NR4A3: variants seen among roughly 807,000 people sequenced by gnomAD.
NR4A3 encodes the protein nuclear receptor subfamily 4 group A member 3.
In NR4A3, 13 loss-of-function variants were observed where a neutral mutation model predicts 55.6. The ratio of observed to expected loss-of-function variants is 0.23; its 90% CI spans 0.15 to 0.37. The LOEUF is 0.37. NR4A3 is among the 10% of genes least tolerant of loss of function. The pLI is 1.00. For missense variants in NR4A3, 646 were observed against 822.8 expected, an observed-to-expected ratio of 0.79 and a Z score of 2.63; for synonymous variants, 342 against 357.9, an observed-to-expected ratio of 0.96 and a Z score of 0.50.
At position 99,834,134 on chromosome 9, in the gene NR4A3, G is replaced by A. The variant is rs530139122; in HGVS notation, c.1254+680G>A. 118 of 756,668 alleles carry A rather than the reference G, an allele frequency of 1.6e-4. No homozygotes were observed. The African/African-American group carries it at 2.0e-3, about 13-fold the overall frequency. 46.9% of individuals were successfully genotyped at this position (756,668 alleles called of 1,614,324 possible). ...TTTAAGACCATAAATGACGATTGGT[G>A]TTGTTATAGTTAAGTCAACCAAAAC... On this transcript the variant is annotated intron_variant, in intron 5 of 7. Transcript: ENST00000395097.
rs940884033 is a variant in NR4A3, at chr9:99,861,197, C to G, written c.1634-2423C>G. 3.9e-5 allele frequency among the ~76,000 whole-genome samples: 6 copies of G among 152,176 alleles called. No homozygotes were observed. The East Asian group carries it at 9.6e-4, about 24-fold the overall frequency. On this transcript the variant is annotated intron_variant, in intron 7 of 7. Coordinates refer to ENST00000395097, the MANE Select transcript of NR4A3 (RefSeq NM_006981.4). Reference sequence around the variant, plus strand: ...TTACAGTCCATGGAGATCCCGCTGGCAATCTTCATGGTTGTATTTTAATAT... The same window carrying G: ...TTACAGTCCATGGAGATCCCGCTGGGAATCTTCATGGTTGTATTTTAATAT...
At chr9:99,835,407 C>T (rs934492931) in intron 5 of NR4A3, among the ~76,000 whole-genome samples, 18 of 152,140 alleles carry the variant, frequency 1.2e-4, no homozygotes, top group Non-Finnish European at 2.5e-4. Context: ...AATCTGGGCT[C>T]CTAAATACCA....
At chr9:99,861,738 T>C (rs1334706989) in intron 7 of NR4A3, among the ~76,000 whole-genome samples, 3 of 152,206 alleles carry the variant, frequency 2.0e-5, no homozygotes. Flanking sequence ...TCTTCATTTT[T>C]CTTATTGGCT....
At chr9:99,823,906 C>G (rs1196811568) in intron 1 of NR4A3, among the ~76,000 whole-genome samples, 6 of 152,116 alleles carry the variant, frequency 3.9e-5, no homozygotes, top group African/African-American at 9.7e-5. Context: ...CCCCCGCTCC[C>G]CAGGGTTGGA....
intron 7 of NR4A3, among the ~76,000 whole-genome samples, chr9:99,859,481 GA>G (rs1827976084): frequency 6.6e-6 from 1 of 152,188 alleles, no homozygotes; most frequent in African/African-American, 2.4e-5. Flanking sequence ...AAAAAGTAAA[GA>G]AGCTACAAAT....
intron 5 of NR4A3, among the ~76,000 whole-genome samples, chr9:99,838,749 CCACT>C (rs1827602005): frequency 6.6e-6 from 1 of 152,108 alleles, no homozygotes. Flanking sequence ...CAGGCCATAC[CCACT>C]CAGACATACT....
Position 99,859,698 on chromosome 9 carries a change from T to C in NR4A3, c.1634-3922T>C, listed in dbSNP as rs796391449. Among the ~76,000 whole-genome samples, 10 of 152,304 alleles carry C rather than the reference T, an allele frequency of 6.6e-5. No homozygotes were observed. In the East Asian group the frequency reaches 1.7e-3, roughly 26 times the overall value. Reference sequence around the variant, plus strand: ...TTGGAGAGCAGGGAAAATTCTGCAGTACCTTCTGTGAGTTTGGCCATGAGA... The same window carrying C: ...TTGGAGAGCAGGGAAAATTCTGCAGCACCTTCTGTGAGTTTGGCCATGAGA... On this transcript the variant is annotated intron_variant, in intron 7 of 7. Coordinates refer to ENST00000395097, the MANE Select transcript of NR4A3 (RefSeq NM_006981.4).
chr9:99,855,239 C>T (rs185139080), intron 7 of NR4A3, among the ~76,000 whole-genome samples: 1 of 152,222 alleles, frequency 6.6e-6, no homozygotes, highest in Non-Finnish European at 1.5e-5. Flanking sequence ...ACCAGCTAGA[C>T]TGTGGGGTTC....
chr9:99,860,638 G>C (rs1443772883), intron 7 of NR4A3, among the ~76,000 whole-genome samples: 2 of 152,230 alleles, frequency 1.3e-5, no homozygotes, highest in African/African-American at 4.8e-5. Flanking sequence ...TTCTGAGACT[G>C]AAACATGGAG....
intron 6 of NR4A3, among the ~76,000 whole-genome samples, chr9:99,845,385 C>T (rs1827736073): frequency 6.6e-6 from 1 of 152,294 alleles, no homozygotes; most frequent in Admixed American, 6.5e-5. Flanking sequence ...TCCTATCATA[C>T]TCAGTGACGC....
intron 7 of NR4A3, among the ~76,000 whole-genome samples, chr9:99,856,697 A>T (rs890081926): frequency 6.6e-6 from 1 of 152,212 alleles, no homozygotes; most frequent in Non-Finnish European, 1.5e-5. Context: ...CAAGCATCTT[A>T]TGGGGACTAG....
chr9:99,863,945 C>G lies in NR4A3; in HGVS notation c.*78C>G. Reference sequence around the variant, plus strand: ...GCAGCAAAGGGATAGGTTTGGAAACCTATCATTTCCTGTCCTTCCTTAAGA... The same window carrying G: ...GCAGCAAAGGGATAGGTTTGGAAACGTATCATTTCCTGTCCTTCCTTAAGA... On this transcript the variant is annotated 3_prime_UTR_variant, in exon 8 of 8. Transcript: ENST00000395097. 1 of 1,467,912 alleles carries G rather than the reference C, an allele frequency of 6.8e-7. No homozygotes were observed. Among genetic ancestry groups the G allele is most frequent in the Admixed American group, 2.2e-5 (1 of 45,958 alleles). The allele number at this position is 1,467,912 out of a possible 1,614,324, so 90.9% of individuals were successfully genotyped here. A position where few individuals can be genotyped will look rare whatever the true frequency, so the allele number is the denominator to read the frequency against.
chr9:99,824,368 A>G (rs1042315599), intron 1 of NR4A3, among the ~76,000 whole-genome samples: 5 of 152,152 alleles, frequency 3.3e-5, no homozygotes, highest in Admixed American at 2.6e-4. Flanking sequence ...GCGGGCACCC[A>G]CTGAAGGGGC....
chr9:99,866,320 A>G lies in NR4A3; in HGVS notation c.*2453A>G. 4.5e-6 allele frequency: 1 copy of G among 222,148 alleles called. No homozygotes were observed. The highest frequency in any genetic ancestry group is 6.6e-5 in the East Asian group (1 of 15,186). The allele number at this position is 222,148 out of a possible 1,614,324, so 13.8% of individuals were successfully genotyped here. A position where few individuals can be genotyped will look rare whatever the true frequency, so the allele number is the denominator to read the frequency against. On this transcript the variant is annotated 3_prime_UTR_variant, in exon 8 of 8. Transcript: ENST00000395097. The stretch of plus-strand genomic sequence containing the variant: ...TTTTTGTCGTGTCTATAAAGGAAGA[A>G]CAAAACAAAATAAAAACAGAGCCCT...
rs146358917 is a variant in NR4A3, at chr9:99,835,690, A to G, written c.1254+2236A>G. Among the ~76,000 whole-genome samples the G allele has an allele frequency of 2.5e-3, 380 of 152,320 alleles. 2 individuals carry two copies. Among genetic ancestry groups the G allele is most frequent in the Non-Finnish European group, 4.5e-3 (308 of 68,022 alleles). On this transcript the variant is annotated intron_variant, in intron 5 of 7. Coordinates refer to ENST00000395097, the MANE Select transcript of NR4A3 (RefSeq NM_006981.4). Reference sequence around the variant, plus strand: ...TCCAATTATCAGTCTACATGGCCTAATTAGTCATTCAATGGCAAACCTTTC... The same window carrying G: ...TCCAATTATCAGTCTACATGGCCTAGTTAGTCATTCAATGGCAAACCTTTC...
chr9:99,829,368 T>C (rs1464322199), intron 3 of NR4A3, among the ~76,000 whole-genome samples: 1 of 152,256 alleles, frequency 6.6e-6, no homozygotes, highest in Non-Finnish European at 1.5e-5. Flanking sequence ...TACCAAGCCC[T>C]GGACATTTGT....
chr9:99,866,556 C>G lies in NR4A3; in HGVS notation c.*2689C>G. On this transcript the variant is annotated 3_prime_UTR_variant, in exon 8 of 8. Transcript: ENST00000395097. ...CTCCCAAGTCATCTTATCAACTCAA[C>G]TCCCTTTTTTTTGTCTTAATGTTGC... 4.4e-6 allele frequency: 1 copy of G among 228,480 alleles called. No individual in the cohort carries two copies. The highest frequency in any genetic ancestry group is 6.3e-5 in the East Asian group (1 of 15,940). 14.2% of individuals were successfully genotyped at this position (228,480 alleles called of 1,614,324 possible). A position where few individuals can be genotyped will look rare whatever the true frequency, so the allele number is the denominator to read the frequency against.
intron 6 of NR4A3, 58 bp from the exon 7 acceptor site, chr9:99,847,379 A>G (rs1346748310): frequency 6.6e-6 from 10 of 1,522,508 alleles, no homozygotes; most frequent in South Asian, 1.2e-5. Context: ...TCATAATGTT[A>G]TCATGTTGGA....
Position 99,824,585 on chromosome 9 carries a change from T to C in NR4A3, c.-176-1074T>C, listed in dbSNP as rs111462594. ...TGGACCTGGGAGCCCCGAGTCCCTT[T>C]CTCTCTTCCTGCAGGCAAGCCCCGG... On this transcript the variant is annotated intron_variant, in intron 1 of 7. Coordinates refer to ENST00000395097, the MANE Select transcript of NR4A3 (RefSeq NM_006981.4). Among the ~76,000 whole-genome samples the C allele has an allele frequency of 4.9e-3, 753 of 152,274 alleles. 10 individuals carry two copies. Among genetic ancestry groups the C allele is most frequent in the African/African-American group, 0.015 (629 of 41,576 alleles).
Sources: allele counts gnomAD v4.1 joint callset (sites outside exome capture counted in the v4.1 genomes callset), GRCh38; gene constraint gnomAD v4.1.1; transcripts MANE v1.5; gene names NCBI Gene and HGNC (gene_info 2026-07-23, HGNC 2026-07-21).